PCDH9: variants seen among roughly 807,000 people sequenced by gnomAD.
The protein encoded by PCDH9 is protocadherin 9.
PCDH9 carries 24 observed loss-of-function variants against 70.6 expected under a neutral mutation model. That is an observed-to-expected ratio of 0.34 (90% CI 0.25 to 0.48). The LOEUF (loss-of-function observed/expected upper bound fraction) is 0.48, where lower values mean the gene tolerates loss of function less well. Among genes scored for constraint, PCDH9 ranks in the 20% least tolerant of loss-of-function variants. PCDH9 has a pLI of 0.99. For missense variants in PCDH9, 1,281 were observed against 1,503.6 expected (o/e 0.85, Z 2.45); for synonymous variants, 562 against 558.5 (o/e 1.01, Z -0.09).
chr13:67,027,220 T>G (rs534824996), intron 2 of PCDH9, among the ~76,000 whole-genome samples: 32 of 152,056 alleles, frequency 2.1e-4, no homozygotes, highest in African/African-American at 6.3e-4. Context: ...AACAGAGATA[T>G]AGATCAACGG....
At chr13:66,912,124 T>C (rs990427319) in intron 2 of PCDH9, among the ~76,000 whole-genome samples, 4 of 152,174 alleles carry the variant, frequency 2.6e-5, no homozygotes, top group Non-Finnish European at 5.9e-5. Context: ...TCAAATATAA[T>C]TGGAGAGGTC....
chr13:67,091,249 T>C (rs1251240674), intron 2 of PCDH9, among the ~76,000 whole-genome samples: 1 of 152,154 alleles, frequency 6.6e-6, no homozygotes, highest in Admixed American at 6.6e-5. Context: ...TAAATGACTT[T>C]AAAATATTAT....
In PCDH9 at chr13:66,775,492, C is replaced by T. The variant is rs1480861502; in HGVS notation, c.3138+128012G>A. ...GTGGATCCACTTGTACATGGATTTC[C>T]TTTTGCCTCTGCCACCCCTGAGAGA... On this transcript the variant is annotated intron_variant, in intron 3 of 4. Coordinates refer to ENST00000377865, the MANE Select transcript of PCDH9 (RefSeq NM_203487.3). Among the ~76,000 whole-genome samples the T allele has an allele frequency of 3.3e-5, 5 of 152,172 alleles. No individual in the cohort carries two copies. The East Asian group carries it at 9.7e-4, about 29-fold the overall frequency.
At chr13:66,452,820 A>G (rs1265855505) in intron 4 of PCDH9, among the ~76,000 whole-genome samples, 1 of 152,074 alleles carries the variant, frequency 6.6e-6, no homozygotes, top group African/African-American at 2.4e-5. Flanking sequence ...TTACCTAAAC[A>G]TATACTGTTT....
At chr13:67,200,227 G>T (rs1048101870) in intron 2 of PCDH9, among the ~76,000 whole-genome samples, 7 of 151,972 alleles carry the variant, frequency 4.6e-5, no homozygotes, top group African/African-American at 1.4e-4. Context: ...CACAAACTGG[G>T]AGAGTTATTT....
intron 4 of PCDH9, among the ~76,000 whole-genome samples, chr13:66,360,700 C>T (rs1250966022): frequency 6.6e-6 from 1 of 152,008 alleles, no homozygotes; most frequent in Non-Finnish European, 1.5e-5. Context: ...TGGAAATTGA[C>T]ACAATTCATG....
intron 4 of PCDH9, among the ~76,000 whole-genome samples, chr13:66,463,792 T>C (rs1958468243): frequency 6.6e-6 from 1 of 151,770 alleles, no homozygotes; most frequent in African/African-American, 2.4e-5. Context: ...GCAGGAGAGA[T>C]GAGGAAAACC....
intron 4 of PCDH9, among the ~76,000 whole-genome samples, chr13:66,608,703 A>C (rs1402054920): frequency 6.6e-6 from 1 of 151,886 alleles, no homozygotes; most frequent in Non-Finnish European, 1.5e-5. Context: ...TCAGCCCCAA[A>C]TTCAAACCTA....
At chr13:66,825,578 G>A (rs1369091768) in intron 3 of PCDH9, among the ~76,000 whole-genome samples, 5 of 151,520 alleles carry the variant, frequency 3.3e-5, no homozygotes, top group Non-Finnish European at 2.9e-5. Context: ...CTCGTGATCC[G>A]CCCGTCTCGG....
chr13:66,785,083 C>A (rs1293626817), intron 3 of PCDH9, among the ~76,000 whole-genome samples: 13 of 151,996 alleles, frequency 8.6e-5, no homozygotes, highest in Non-Finnish European at 2.9e-5. Context: ...TTAGATGATG[C>A]TAATCACATT....
chr13:66,564,364 C>G (rs1007409186), intron 4 of PCDH9, among the ~76,000 whole-genome samples: 3 of 151,758 alleles, frequency 2.0e-5, no homozygotes, highest in African/African-American at 7.3e-5. Context: ...TGAGGTCTTA[C>G]CTTTTTGCCC....
chr13:67,140,118 G>A (rs1206915128), intron 2 of PCDH9, among the ~76,000 whole-genome samples: 1 of 138,834 alleles, frequency 7.2e-6, no homozygotes, highest in Non-Finnish European at 1.5e-5. Context: ...ATGCTTGCTA[G>A]CATCAGCGGC....
intron 4 of PCDH9, among the ~76,000 whole-genome samples, chr13:66,326,645 C>A (rs977168460): frequency 6.6e-6 from 1 of 152,102 alleles, no homozygotes; most frequent in African/African-American, 2.4e-5. Flanking sequence ...TCTCCAACTC[C>A]TGGCCTCAGG....
intron 3 of PCDH9, among the ~76,000 whole-genome samples, chr13:66,889,555 G>A (rs1209671347): frequency 6.6e-6 from 1 of 152,110 alleles, no homozygotes; most frequent in Admixed American, 6.6e-5. Context: ...TATGATTCCT[G>A]TTAATAAGAT....
rs142020444 is a variant in PCDH9 at position 66,420,523 on chromosome 13, G to A, written c.3341-115495C>T. On this transcript the variant is annotated intron_variant, in intron 4 of 4. Transcript: ENST00000377865. ...TCTTTGCTGTTCTGCAGCCTCTGCT[G>A]GTGATACCCAGGCAAACAAGGCATG... 6.6e-4 allele frequency among the ~76,000 whole-genome samples: 101 copies of A among 152,264 alleles called. 1 individual carries two copies. Among genetic ancestry groups the A allele is most frequent in the African/African-American group, 1.9e-3 (78 of 41,552 alleles).
rs2082526344 is a variant in PCDH9 at position 66,914,531 on chromosome 13, C to T, written c.3037-10926G>A. ...GAGATTACAGAAACCTATACAAAAA[C>T]CTACTTTGAAAATGTATATTAATAA... On this transcript the variant is annotated intron_variant, in intron 2 of 4. Transcript: ENST00000377865. The T allele has an allele frequency of 2.0e-5, 3 of 151,866 alleles. No homozygotes were observed. In the South Asian group the frequency reaches 6.2e-4, roughly 32 times the overall value. 9.4% of individuals were successfully genotyped at this position (151,866 alleles called of 1,614,324 possible).
At chr13:66,530,206 T>C (rs1298275106) in intron 4 of PCDH9, among the ~76,000 whole-genome samples, 1 of 152,228 alleles carries the variant, frequency 6.6e-6, no homozygotes, top group Middle Eastern at 3.4e-3. Flanking sequence ...AAGGTACTTT[T>C]GTCTACAGAA....
intron 2 of PCDH9, among the ~76,000 whole-genome samples, chr13:67,113,699 C>T (rs1025381659): frequency 2.0e-5 from 3 of 152,138 alleles, no homozygotes; most frequent in East Asian, 1.9e-4. Context: ...AGGCGCCCGC[C>T]ATCACGCCCG....
At chr13:66,611,945 T>A (rs563295430) in intron 4 of PCDH9, among the ~76,000 whole-genome samples, 26 of 152,252 alleles carry the variant, frequency 1.7e-4, no homozygotes, top group Non-Finnish European at 3.5e-4. Context: ...TTATTTGTAC[T>A]CTCTACAGCA....
Sources: allele counts gnomAD v4.1 joint callset (sites outside exome capture counted in the v4.1 genomes callset), GRCh38; gene constraint gnomAD v4.1.1; transcripts MANE v1.5; gene names NCBI Gene and HGNC (gene_info 2026-07-23, HGNC 2026-07-21).